SCML2: variants seen among roughly 807,000 people sequenced by gnomAD.
SCML2 encodes the protein Scm polycomb group protein like 2.
Under a neutral mutation model 48.4 loss-of-function variants are expected in SCML2, and 6 were observed. That is an observed-to-expected ratio of 0.12 (90% CI 0.07 to 0.24). The LOEUF (loss-of-function observed/expected upper bound fraction) is 0.24. Among genes scored for constraint, SCML2 ranks in the 10% least tolerant of loss-of-function variants. The pLI is 1.00. For missense variants in SCML2, 377 were observed against 528.2 expected (o/e 0.71, Z 2.81); for synonymous variants, 181 against 189.5 (o/e 0.95, Z 0.37).
intron 7 of SCML2, among the ~76,000 whole-genome samples, chrX:18,267,503 T>C (rs1927293637): frequency 9.0e-6 from 1 of 111,627 alleles, no homozygotes; most frequent in Non-Finnish European, 1.9e-5. Context: ...AAGGGTTAGC[T>C]ATCTTTTTCC....
chrX:18,270,544 G>A (rs937382898), intron 7 of SCML2, among the ~76,000 whole-genome samples: 9 of 110,636 alleles, frequency 8.1e-5, no homozygotes, highest in African/African-American at 2.3e-4. Flanking sequence ...CTAAGGACTC[G>A]ATTTTATTTA....
intron 6 of SCML2, among the ~76,000 whole-genome samples, chrX:18,307,459 C>T (rs1050226283): frequency 3.6e-5 from 4 of 111,573 alleles, no homozygotes; most frequent in African/African-American, 9.8e-5. Flanking sequence ...CTGCATTTAA[C>T]AAAGAATAAA....
chrX:18,251,519 G>C (rs1926665872), intron 11 of SCML2, among the ~76,000 whole-genome samples: 1 of 110,659 alleles, frequency 9.0e-6, no homozygotes, highest in African/African-American at 3.3e-5. Flanking sequence ...TATACAAATG[G>C]CCAAAAAGCA....
chrX:18,320,278 G>T, intron 6 of SCML2, 54 bp downstream of exon 6: 1 of 696,564 alleles, frequency 1.4e-6, no homozygotes, highest in Non-Finnish European at 2.1e-6. Flanking sequence ...AAGCATTTAA[G>T]CATTCCCACT....
intron 6 of SCML2, among the ~76,000 whole-genome samples, chrX:18,308,299 G>GAGGAAGGGAGGGAGGA (rs1280182745): frequency 1.1e-5 from 1 of 87,909 alleles, no homozygotes; most frequent in Non-Finnish European, 2.2e-5. Context: ...GGAAGGAAGG[G>GAGGAAGGGAGGGAGGA]AGGAAGGGAG....
At chrX:18,250,887 T>C (rs1278883886) in intron 11 of SCML2, among the ~76,000 whole-genome samples, 1 of 110,185 alleles carries the variant, frequency 9.1e-6, no homozygotes, top group Non-Finnish European at 1.9e-5. Flanking sequence ...CTCACAATCA[T>C]GGCAGAAGGC....
chrX:18,307,124 A>T (rs943060308), intron 6 of SCML2, among the ~76,000 whole-genome samples: 4 of 111,195 alleles, frequency 3.6e-5, no homozygotes, highest in Non-Finnish European at 5.7e-5. Flanking sequence ...CTCTGCAAAA[A>T]ATACAAAAAT....
intron 6 of SCML2, 111 bp from the exon 7 acceptor site, chrX:18,305,326 A>AAACATGG: frequency 3.0e-6 from 2 of 676,901 alleles, no homozygotes; most frequent in Non-Finnish European, 4.4e-6. Flanking sequence ...ACCAAAAATT[A>AAACATGG]AGCTCCATGT....
intron 6 of SCML2, among the ~76,000 whole-genome samples, chrX:18,306,822 C>A (rs1363671811): frequency 9.0e-6 from 1 of 110,892 alleles, no homozygotes; most frequent in African/African-American, 3.3e-5. Flanking sequence ...CTTTTAATTA[C>A]ATATTCTTTT....
chrX:18,254,071 A>G (rs371010103), intron 11 of SCML2, among the ~76,000 whole-genome samples: 1 of 111,969 alleles, frequency 8.9e-6, no homozygotes, highest in Non-Finnish European at 1.9e-5. Flanking sequence ...AGTAATAGCT[A>G]CTTTTCCAAC....
At chrX:18,319,762 T>C (rs1286899062) in intron 6 of SCML2, among the ~76,000 whole-genome samples, 1 of 111,742 alleles carries the variant, frequency 8.9e-6, no homozygotes, top group Non-Finnish European at 1.9e-5. Flanking sequence ...CATATATGTA[T>C]TTGGAAATAG....
intron 7 of SCML2, among the ~76,000 whole-genome samples, chrX:18,273,771 G>GC (rs1162475749): frequency 1.8e-5 from 2 of 110,619 alleles, no homozygotes; most frequent in Non-Finnish European, 1.9e-5. Context: ...ACCACCCATG[G>GC]CCCCCCTTAC....
chrX:18,295,089 C>G (rs755280611), intron 7 of SCML2, among the ~76,000 whole-genome samples: 2 of 111,563 alleles, frequency 1.8e-5, no homozygotes, highest in Non-Finnish European at 3.8e-5. Context: ...CACATGCCCC[C>G]ACCAGGGCCT....
At chrX:18,349,421 C>T (rs759543011) in intron 1 of SCML2, among the ~76,000 whole-genome samples, 1 of 112,485 alleles carries the variant, frequency 8.9e-6, no homozygotes, top group African/African-American at 3.2e-5. Flanking sequence ...AGATGAACAG[C>T]ACCATCATAT....
At chrX:18,315,687 T>G (rs765763684) in intron 6 of SCML2, among the ~76,000 whole-genome samples, 1 of 111,794 alleles carries the variant, frequency 8.9e-6, no homozygotes, top group African/African-American at 3.2e-5. Context: ...TGCAAGGACA[T>G]CTATCCAGTA....
chrX:18,318,384 T>C (rs1929200842), intron 6 of SCML2, among the ~76,000 whole-genome samples: 1 of 113,050 alleles, frequency 8.8e-6, no homozygotes, highest in African/African-American at 3.2e-5. Context: ...CCAAGTATAG[T>C]TGTAATAAAA....
chrX:18,332,087 T>C lies in SCML2; in HGVS notation c.23-1432A>G, dbSNP rs756026695. ...TTGCCTAGATCCTTTCGTTTATTAA[T>C]GGTTGCAAAATGAAGGTATTCTAAT... On this transcript the variant is annotated intron_variant, in intron 2 of 14. Transcript: ENST00000251900. Among the ~76,000 whole-genome samples, 5 of 112,318 alleles carry C rather than the reference T, an allele frequency of 4.5e-5. No homozygotes were observed. In the South Asian group the frequency reaches 1.9e-3, roughly 42 times the overall value.
intron 4 of SCML2, among the ~76,000 whole-genome samples, chrX:18,324,574 G>T (rs2074832367): frequency 8.9e-6 from 1 of 111,792 alleles, no homozygotes; most frequent in Non-Finnish European, 1.9e-5. Flanking sequence ...ATGTGCCTTG[G>T]CTTTGGATGT....
At chrX:18,251,610 G>C (rs772629736) in intron 11 of SCML2, among the ~76,000 whole-genome samples, 1 of 112,037 alleles carries the variant, frequency 8.9e-6, no homozygotes, top group East Asian at 2.8e-4. Context: ...CTGCTAGAAT[G>C]GGTATAATGA....
Sources: allele counts gnomAD v4.1 joint callset (sites outside exome capture counted in the v4.1 genomes callset), GRCh38; gene constraint gnomAD v4.1.1; transcripts MANE v1.5; gene names NCBI Gene and HGNC (gene_info 2026-07-23, HGNC 2026-07-21).